ZNF462: variants seen among roughly 807,000 people sequenced by gnomAD.
ZNF462 encodes the protein zinc finger PBX1-interacting protein.
In ZNF462, 10 loss-of-function variants were observed where a neutral mutation model predicts 201.9. The ratio of observed to expected loss-of-function variants is 0.05; its 90% CI spans 0.03 to 0.08. ZNF462 has a LOEUF of 0.08. Ranked by LOEUF, ZNF462 falls within the 10% of genes least tolerant of loss-of-function variation. ZNF462 has a pLI of 1.00. For synonymous variants in ZNF462, 1,227 were observed against 1,193.3 expected (o/e 1.03, Z -0.58); for missense variants, 2,523 against 3,168.3 (o/e 0.80, Z 4.89).
Position 106,932,565 on chromosome 9 carries a change from G to A in ZNF462, c.6116+16G>A, listed in dbSNP as rs753738238. On this transcript the variant is annotated intron_variant, in intron 5 of 12. Coordinates refer to ENST00000277225, the MANE Select transcript of ZNF462 (RefSeq NM_021224.6). The surrounding 1 kb of genome is among the most constrained non-coding windows in gnomAD (Gnocchi z 6.8). Reference sequence around the variant, plus strand: ...TCAGGCACAAGTAAGTGCTATTGGGGGGTCACTAGTGGTTACTGGGAGATG... The same window carrying A: ...TCAGGCACAAGTAAGTGCTATTGGGAGGTCACTAGTGGTTACTGGGAGATG... 20 of 1,614,080 alleles carry A rather than the reference G, an allele frequency of 1.2e-5. No homozygotes were observed. In the East Asian group the frequency reaches 4.5e-4, roughly 36 times the overall value.
chr9:106,908,774 A>G (rs1337471136), intron 1 of ZNF462, among the ~76,000 whole-genome samples: 1 of 150,112 alleles, frequency 6.7e-6, no homozygotes, highest in African/African-American at 2.4e-5. Flanking sequence ...ATTCAAAGCT[A>G]TAGTCTGTTT....
Position 107,005,309 on chromosome 9 carries a change from T to C in ZNF462, c.7189+1883T>C, listed in dbSNP as rs1829471405. Among the ~76,000 whole-genome samples, 1 of 152,218 alleles carries C rather than the reference T, an allele frequency of 6.6e-6. No homozygotes were observed. The highest frequency in any genetic ancestry group is 2.4e-5 in the African/African-American group (1 of 41,456). On this transcript the variant is annotated intron_variant, in intron 11 of 12. Transcript: ENST00000277225. The surrounding 1 kb of genome is among the most constrained non-coding windows in gnomAD (Gnocchi z 4.4). ...CTCCATGCTGTTTCCATAACGGGTG[T>C]ACTAATTTGCAGTCCCACCAACAAT... is the stretch of plus-strand genomic sequence containing the variant.
chr9:106,929,322 G>A lies in ZNF462; in HGVS notation c.5410G>A (p.Gly1804Arg). Reference protein sequence around the residue: ...FPKKQHASKLGGYFTAVYADE... With the variant: ...FPKKQHASKLRGYFTAVYADE... ...AAAGAAGCAGCACGCCAGCAAGTTG[G>A]GGGGCTACTTCACGGCCGTCTATGC... Residue 1804 changes from glycine (G) to arginine (R), a missense_variant, in exon 3 of 13, where the codon GGG (glycine) becomes AGG (arginine). Physicochemically the swap from Gly to Arg is moderately radical, Grantham distance 125 (BLOSUM62 -2). Around this residue, in one of 15 missense-constraint regions of ZNF462, gnomAD observed 207 missense variants for 231.6 expected, o/e 0.89. Coordinates refer to ENST00000277225, the MANE Select transcript of ZNF462 (RefSeq NM_021224.6). This position sits in a 1 kb window ranked among gnomAD's most constrained non-coding sequence, Gnocchi z 8.7. The A allele has an allele frequency of 6.2e-7, 1 of 1,614,138 alleles. No homozygotes were observed. The highest frequency in any genetic ancestry group is 8.5e-7 in the Non-Finnish European group (1 of 1,180,036).
At chr9:106,888,234 G>T (rs1828414846) in intron 1 of ZNF462, among the ~76,000 whole-genome samples, 1 of 152,040 alleles carries the variant, frequency 6.6e-6, no homozygotes, top group Non-Finnish European at 1.5e-5. Context: ...GTAGAGACAG[G>T]GTTTCACCGT....
intron 7 of ZNF462, among the ~76,000 whole-genome samples, chr9:106,948,704 T>A (rs767404165): frequency 5.9e-5 from 9 of 151,968 alleles, no homozygotes; most frequent in Admixed American, 1.3e-4. Context: ...ACACAAACTA[T>A]TTTTCTTTCA....
intron 1 of ZNF462, among the ~76,000 whole-genome samples, chr9:106,866,956 T>C (rs953062882): frequency 6.6e-6 from 1 of 152,192 alleles, no homozygotes. Context: ...GTTCATTTGC[T>C]CATTTCAGCA....
chr9:106,905,169 C>A lies in ZNF462; in HGVS notation c.-30-18185C>A, dbSNP rs921512132. Reference sequence around the variant, plus strand: ...TCCTATGGATGTGGCTTCCTATGAGCCAAACTTCAGTGATTGTTATCTCTC... The same window carrying A: ...TCCTATGGATGTGGCTTCCTATGAGACAAACTTCAGTGATTGTTATCTCTC... On this transcript the variant is annotated intron_variant, in intron 1 of 12. Coordinates refer to ENST00000277225, the MANE Select transcript of ZNF462 (RefSeq NM_021224.6). This position sits in a 1 kb window ranked among gnomAD's most constrained non-coding sequence, Gnocchi z 5.9. Among the ~76,000 whole-genome samples the A allele has an allele frequency of 1.3e-5, 2 of 152,130 alleles. No homozygotes were observed. The highest frequency in any genetic ancestry group is 4.8e-5 in the African/African-American group (2 of 41,416).
rs1827079682 is a variant in ZNF462 at position 106,977,275 on chromosome 9, C to T, written c.6832+3002C>T. Reference sequence around the variant, plus strand: ...AGACATGGCTCCTTCTGCACCTGTCCTCTTCCTGCTCTATCCATGACATCC... The same window carrying T: ...AGACATGGCTCCTTCTGCACCTGTCTTCTTCCTGCTCTATCCATGACATCC... On this transcript the variant is annotated intron_variant, in intron 9 of 12. Coordinates refer to ENST00000277225, the MANE Select transcript of ZNF462 (RefSeq NM_021224.6). The surrounding 1 kb of genome is among the most constrained non-coding windows in gnomAD (Gnocchi z 4.6). 6.8e-6 allele frequency among the ~76,000 whole-genome samples: 1 copy of T among 147,262 alleles called. No individual in the cohort carries two copies. Among genetic ancestry groups the T allele is most frequent in the South Asian group, 2.1e-4 (1 of 4,826 alleles).
At chr9:106,994,560 G>A (rs910613993) in intron 10 of ZNF462, among the ~76,000 whole-genome samples, 16 of 151,972 alleles carry the variant, frequency 1.1e-4, no homozygotes, top group Non-Finnish European at 2.4e-4. Flanking sequence ...TTTATCAACA[G>A]CAATGATTTC....
intron 7 of ZNF462, among the ~76,000 whole-genome samples, chr9:106,943,250 TC>T (rs1211814503): frequency 2.0e-5 from 3 of 152,168 alleles, no homozygotes; most frequent in Non-Finnish European, 4.4e-5. Context: ...CTTGGCAATT[TC>T]CTTTTGTACC....
rs529586932 is a variant in ZNF462 at position 107,008,361 on chromosome 9, A to G, written c.7190-1184A>G. ...TCTTTTGTTAAATCTGGCCCCAGTC[A>G]CATAGCTGTTTGTGCTGAAGATTAA... On this transcript the variant is annotated intron_variant, in intron 11 of 12. Coordinates refer to ENST00000277225, the MANE Select transcript of ZNF462 (RefSeq NM_021224.6). This position sits in a 1 kb window ranked among gnomAD's most constrained non-coding sequence, Gnocchi z 4.8. Among the ~76,000 whole-genome samples the G allele has an allele frequency of 2.0e-5, 3 of 152,296 alleles. No individual in the cohort carries two copies. In the East Asian group the frequency reaches 5.8e-4, roughly 29 times the overall value.
rs561243746 is a variant in ZNF462, at chr9:106,977,703, A to G, written c.6832+3430A>G. The stretch of plus-strand genomic sequence containing the variant: ...CGTAGTATAGACAAGACAGTGAGTG[A>G]TGGGTATCTAGGTATATTTCTGTTT... On this transcript the variant is annotated intron_variant, in intron 9 of 12. Transcript: ENST00000277225. The surrounding 1 kb of genome is among the most constrained non-coding windows in gnomAD (Gnocchi z 4.6). Among the ~76,000 whole-genome samples, 2 of 151,606 alleles carry G rather than the reference A, an allele frequency of 1.3e-5. No homozygotes were observed. Among genetic ancestry groups the G allele is most frequent in the Non-Finnish European group, 2.9e-5 (2 of 68,010 alleles).
intron 1 of ZNF462, among the ~76,000 whole-genome samples, chr9:106,898,379 G>C (rs1828902676): frequency 6.6e-6 from 1 of 152,168 alleles, no homozygotes; most frequent in Non-Finnish European, 1.5e-5. Flanking sequence ...TCTAGAGAAA[G>C]TGGTACTCAA....
In ZNF462 at chr9:107,005,166, C is replaced by T. The variant is rs1054736843; in HGVS notation, c.7189+1740C>T. Among the ~76,000 whole-genome samples the T allele has an allele frequency of 6.6e-6, 1 of 152,120 alleles. No individual in the cohort carries two copies. Among genetic ancestry groups the T allele is most frequent in the African/African-American group, 2.4e-5 (1 of 41,436 alleles). ...ATCTTGGTTATTATGAATAACCCTGCAGTGAACGTGAGAGTGCAGATATTT... is the reference window on the plus strand; with the variant it reads ...ATCTTGGTTATTATGAATAACCCTGTAGTGAACGTGAGAGTGCAGATATTT... On this transcript the variant is annotated intron_variant, in intron 11 of 12. Transcript: ENST00000277225. The surrounding 1 kb of genome is among the most constrained non-coding windows in gnomAD (Gnocchi z 4.4).
intron 7 of ZNF462, among the ~76,000 whole-genome samples, chr9:106,957,156 C>T (rs779787493): frequency 5.3e-5 from 8 of 152,040 alleles, no homozygotes; most frequent in South Asian, 2.1e-4. Context: ...TGATTTAAGG[C>T]GAGAGACGTG....
At chr9:106,878,764 T>C (rs1357667628) in intron 1 of ZNF462, among the ~76,000 whole-genome samples, 1 of 152,260 alleles carries the variant, frequency 6.6e-6, no homozygotes, top group Non-Finnish European at 1.5e-5. Context: ...TCTTTGTGTG[T>C]ATATATTTAC....
In ZNF462 at chr9:106,913,634, G is replaced by GTTTTCAGTCTCAGCACTAT. The variant is rs1554700535; in HGVS notation, c.-30-9719_-30-9718insTTTCAGTCTCAGCACTATT. ...TTTTTTTTTGAGACAATCTCATTCT[G>GTTTTCAGTCTCAGCACTAT]TGACCCAGGCTGGAGTGCAGTGGCA... On this transcript the variant is annotated intron_variant, in intron 1 of 12. Transcript: ENST00000277225. This position sits in a 1 kb window ranked among gnomAD's most constrained non-coding sequence, Gnocchi z 4.1. 2.0e-5 allele frequency among the ~76,000 whole-genome samples: 3 copies of GTTTTCAGTCTCAGCACTAT among 150,186 alleles called. No homozygotes were observed. Among genetic ancestry groups the GTTTTCAGTCTCAGCACTAT allele is most frequent in the Non-Finnish European group, 4.5e-5 (3 of 67,390 alleles).
rs979463654 is a variant in ZNF462, at chr9:106,928,486, C to T, written c.4574C>T (p.Thr1525Ile). 6.2e-7 allele frequency: 1 copy of T among 1,614,138 alleles called. No individual in the cohort carries two copies. The highest frequency in any genetic ancestry group is 8.5e-7 in the Non-Finnish European group (1 of 1,180,038). Reference protein sequence around the residue: ...YKCRHCPYINTRIHGVLTHYQ... With the variant: ...YKCRHCPYINIRIHGVLTHYQ... ...TGCAGGCATTGCCCATACATCAACA[C>T]CCGCATCCACGGCGTACTGACCCAC... is the stretch of plus-strand genomic sequence containing the variant. Residue 1525 changes from threonine to isoleucine, a missense_variant, in exon 3 of 13, where the codon ACC (threonine) becomes ATC (isoleucine). By Grantham distance (89) the Thr-to-Ile change is moderately conservative. Transcript: ENST00000277225. This position sits in a 1 kb window ranked among gnomAD's most constrained non-coding sequence, Gnocchi z 9.3.
intron 7 of ZNF462, among the ~76,000 whole-genome samples, chr9:106,965,385 A>C (rs983032616): frequency 1.3e-5 from 2 of 151,976 alleles, no homozygotes; most frequent in African/African-American, 4.8e-5. Context: ...GCTGAACTGG[A>C]ATTGATCTTA....
Sources: allele counts gnomAD v4.1 joint callset (sites outside exome capture counted in the v4.1 genomes callset), GRCh38; gene constraint gnomAD v4.1.1; regional missense constraint gnomAD v4.1.1; non-coding constraint Gnocchi (gnomAD v3.1); transcripts MANE v1.5; gene names NCBI Gene and HGNC (gene_info 2026-07-23, HGNC 2026-07-21).